HIVEP3: variants seen among roughly 807,000 people sequenced by gnomAD.
The protein encoded by HIVEP3 is transcription factor HIVEP3.
In HIVEP3, 49 loss-of-function variants were observed where a neutral mutation model predicts 152.8. The observed-to-expected ratio is 0.32, with a 90% CI of 0.26 to 0.41. The LOEUF (loss-of-function observed/expected upper bound fraction) is 0.41, where lower values mean the gene tolerates loss of function less well. HIVEP3 is among the 10% of genes least tolerant of loss of function. The probability of loss-of-function intolerance (pLI) is 1.00; values close to 1 mark genes in which losing one functional copy is unlikely to be tolerated. For synonymous variants in HIVEP3, 1,269 were observed against 1,289.0 expected (o/e 0.98, Z 0.33); for missense variants, 2,790 against 3,103.3 (o/e 0.90, Z 2.40).
chr1:41,670,115 C>T (rs1171410265), intron 2 of HIVEP3, among the ~76,000 whole-genome samples: 3 of 152,198 alleles, frequency 2.0e-5, no homozygotes, highest in African/African-American at 2.4e-5. Flanking sequence ...AATATGGGTC[C>T]TGGCACCCAG....
chr1:41,545,132 TACC>T (rs1558047928), intron 5 of HIVEP3, among the ~76,000 whole-genome samples: 1 of 61,454 alleles, frequency 1.6e-5, no homozygotes. Context: ...TCATCACCAC[TACC>T]ACCATCACCA....
intron 5 of HIVEP3, among the ~76,000 whole-genome samples, chr1:41,525,162 C>T (rs536667992): frequency 2.0e-5 from 3 of 152,192 alleles, no homozygotes; most frequent in South Asian, 2.1e-4. Flanking sequence ...CAGACACTGG[C>T]GCTTCCCACT....
At chr1:41,690,708 G>A (rs553036759) in intron 2 of HIVEP3, among the ~76,000 whole-genome samples, 175 of 152,186 alleles carry the variant, frequency 1.1e-3, no homozygotes, top group African/African-American at 3.6e-3. Context: ...ACCTGAGGTC[G>A]GGAGTTCGAG....
intron 1 of HIVEP3, among the ~76,000 whole-genome samples, chr1:41,917,656 C>T (rs776603988): frequency 1.3e-5 from 2 of 152,152 alleles, no homozygotes; most frequent in Non-Finnish European, 2.9e-5. Context: ...AGGGACCATT[C>T]GGCACCATCA....
chr1:41,895,570 G>A (rs114725445), intron 1 of HIVEP3, among the ~76,000 whole-genome samples: 3,313 of 152,300 alleles, frequency 0.022, 69 homozygotes, highest in Middle Eastern at 0.027. Context: ...GCACATTTCA[G>A]ACTAAATAAA....
At chr1:41,773,130 G>A (rs1308081149) in intron 1 of HIVEP3, among the ~76,000 whole-genome samples, 2 of 152,328 alleles carry the variant, frequency 1.3e-5, no homozygotes, top group East Asian at 1.9e-4. Flanking sequence ...TCAGCCAGAT[G>A]CTGTGCTGGG....
intron 7 of HIVEP3, among the ~76,000 whole-genome samples, chr1:41,514,692 C>T (rs1642551851): frequency 1.3e-5 from 2 of 152,222 alleles, no homozygotes; most frequent in African/African-American, 4.8e-5. Context: ...GGCTGAATGC[C>T]CACTTTTGTC....
At chr1:41,825,153 T>A (rs1642760576) in intron 1 of HIVEP3, among the ~76,000 whole-genome samples, 1 of 152,064 alleles carries the variant, frequency 6.6e-6, no homozygotes, top group Non-Finnish European at 1.5e-5. Context: ...TTGGTTCTTA[T>A]AGGTTTGGGA....
At position 41,865,371 on chromosome 1, in the gene HIVEP3, G is replaced by A. The variant is rs189258896; in HGVS notation, c.-801+53042C>T. Among the ~76,000 whole-genome samples, 258 of 152,242 alleles carry A rather than the reference G, an allele frequency of 1.7e-3. 2 individuals are homozygous for A. The highest frequency in any genetic ancestry group is 5.7e-3 in the African/African-American group (238 of 41,532). On this transcript the variant is annotated intron_variant, in intron 1 of 8. Transcript: ENST00000372583. ...TTGCCACCTCTGGCGGTGATAGCAG[G>A]GGCAGCTGGGGCTGAATCCATGAAT...
rs566356652 is a variant in HIVEP3 at position 41,729,540 on chromosome 1, G to T, written c.-800-28545C>A. ...GTCACTGACCTTTTTATTCTGAATG[G>T]GTCCCCGTTGACTTTAAAGCTGGAA... On this transcript the variant is annotated intron_variant, in intron 1 of 8. Coordinates refer to ENST00000372583, the MANE Select transcript of HIVEP3 (RefSeq NM_024503.5). Among the ~76,000 whole-genome samples the T allele has an allele frequency of 1.2e-3, 179 of 152,244 alleles. 1 individual carries two copies. Among genetic ancestry groups the T allele is most frequent in the African/African-American group, 4.0e-3 (167 of 41,540 alleles).
At chr1:41,563,069 C>T (rs564958828) in intron 5 of HIVEP3, among the ~76,000 whole-genome samples, 1 of 151,394 alleles carries the variant, frequency 6.6e-6, no homozygotes, top group Non-Finnish European at 1.5e-5. Context: ...TAGTGGGGGT[C>T]GGGCGCATGG....
chr1:41,728,260 C>A (rs1191485379), intron 1 of HIVEP3, among the ~76,000 whole-genome samples: 10 of 152,188 alleles, frequency 6.6e-5, no homozygotes, highest in Non-Finnish European at 1.3e-4. Context: ...GAACAATAAG[C>A]ATATCTGTCT....
intron 1 of HIVEP3, among the ~76,000 whole-genome samples, chr1:41,811,287 A>G (rs889789447): frequency 6.0e-5 from 9 of 150,784 alleles, no homozygotes; most frequent in Non-Finnish European, 1.0e-4. Flanking sequence ...TGTCCTCCCA[A>G]TGGTAGGAAC....
At chr1:41,972,328 A>T (rs1330548410) in intron 1 of HIVEP3, among the ~76,000 whole-genome samples, 2 of 152,216 alleles carry the variant, frequency 1.3e-5, no homozygotes, top group Admixed American at 6.5e-5. Context: ...TGGCTCACCT[A>T]GAATGTGGTC....
chr1:41,581,489 G>A lies in HIVEP3; in HGVS notation c.3309C>T (p.Gly1103=). 6.3e-7 allele frequency: 1 copy of A among 1,575,000 alleles called. No individual in the cohort carries two copies. The highest frequency in any genetic ancestry group is 8.6e-7 in the Non-Finnish European group (1 of 1,161,546). Residue 1103 remains glycine (G), a synonymous_variant, in exon 4 of 9, where the codon GGC becomes GGT. Coordinates refer to ENST00000372583, the MANE Select transcript of HIVEP3 (RefSeq NM_024503.5). The surrounding 1 kb of genome is among the most constrained non-coding windows in gnomAD (Gnocchi z 4.5). The stretch of plus-strand genomic sequence containing the variant: ...CCAATGGGGGCCTGTCCTGCCCTGG[G>A]CCCTTGCCTCCCGGGGGTCCACCAT... The part of the protein sequence containing the change: ...TSHGGPPGGK[G]PGQDRPPLGP...
At chr1:41,950,427 G>A (rs1262552448) in intron 1 of HIVEP3, among the ~76,000 whole-genome samples, 3 of 152,158 alleles carry the variant, frequency 2.0e-5, no homozygotes, top group Non-Finnish European at 4.4e-5. Flanking sequence ...TTGCACCTTG[G>A]GCTTTGTATA....
intron 1 of HIVEP3, among the ~76,000 whole-genome samples, chr1:41,772,912 AT>A (rs1196280626): frequency 2.0e-5 from 3 of 152,140 alleles, no homozygotes; most frequent in Non-Finnish European, 4.4e-5. Context: ...TATCAAAAAA[AT>A]AAATAAATAA....
chr1:41,654,411 A>G (rs1175429794), intron 2 of HIVEP3, among the ~76,000 whole-genome samples: 2 of 152,154 alleles, frequency 1.3e-5, no homozygotes, highest in East Asian at 3.9e-4. Flanking sequence ...TTCCTAAGCA[A>G]CCCTTAGGAG....
At chr1:41,993,726 A>G (rs1290961462) in intron 1 of HIVEP3, among the ~76,000 whole-genome samples, 1 of 151,268 alleles carries the variant, frequency 6.6e-6, no homozygotes, top group African/African-American at 2.4e-5. Flanking sequence ...CACTATTCAC[A>G]ATAGCAAAGA....
Sources: gnomAD v4.1 joint callset for allele counts (sites outside exome capture counted in the v4.1 genomes callset) on GRCh38, gnomAD v4.1.1 for gene constraint, Gnocchi (gnomAD v3.1) non-coding constraint, MANE v1.5 for transcripts, NCBI Gene and HGNC (gene_info 2026-07-23, HGNC 2026-07-21) for gene names.